SLC12A9: variants seen among roughly 807,000 people sequenced by gnomAD.
SLC12A9 encodes solute carrier family 12 member 9.
In SLC12A9, 55 loss-of-function variants were observed where a neutral mutation model predicts 66.0. The ratio of observed to expected loss-of-function variants is 0.83; its 90% CI spans 0.67 to 1.04. The LOEUF is 1.04. SLC12A9 is among the 50% of genes least tolerant of loss of function. The pLI is 0.00. For missense variants in SLC12A9, 1,061 were observed against 1,241.9 expected (o/e 0.85, Z 2.19); for synonymous variants, 577 against 569.0 (o/e 1.01, Z -0.20).
intron 1 of SLC12A9, among the ~76,000 whole-genome samples, chr7:100,835,562 A>G (rs1813637528): frequency 6.6e-6 from 1 of 151,510 alleles, no homozygotes; most frequent in South Asian, 2.1e-4. Flanking sequence ...AGGCAGGAGA[A>G]TCGCTTGAAC....
intron 7 of SLC12A9, 115 bp downstream of exon 7, chr7:100,859,276 G>A: frequency 1.0e-6 from 1 of 962,424 alleles, no homozygotes; most frequent in Non-Finnish European, 1.6e-6. Flanking sequence ...TGGGGTGGAG[G>A]GTGGCTACCG....
rs747596367 is a variant in SLC12A9, at chr7:100,866,066, G to A, written c.2206G>A (p.Gly736Ser). The A allele has an allele frequency of 9.3e-6, 15 of 1,612,820 alleles. No homozygotes were observed. The highest frequency in any genetic ancestry group is 1.7e-5 in the Admixed American group (1 of 60,010). The change falls in exon 14 of 14, where the codon GGT becomes AGT. Residue 736 changes from glycine (G) to serine (S), a missense_variant. Physicochemically the swap from Gly to Ser is moderately conservative, Grantham distance 56. Coordinates refer to ENST00000354161, the MANE Select transcript of SLC12A9 (RefSeq NM_020246.4). This position sits in a 1 kb window ranked among gnomAD's most constrained non-coding sequence, Gnocchi z 7.3. ...GCCCCTCAACCTGCTGCGGCCCCGG[G>A]GTGGGCCCGGCTATGTGGATGTCTG... ...VWPLNLLRPRGGPGYVDVCGL... is the reference protein window; with the variant it reads ...VWPLNLLRPRSGPGYVDVCGL...
chr7:100,847,551 G>T (rs1298872895), intron 1 of SLC12A9, among the ~76,000 whole-genome samples: 1 of 152,162 alleles, frequency 6.6e-6, no homozygotes, highest in African/African-American at 2.4e-5. Flanking sequence ...GGAGGCTATT[G>T]TGAAAGCGGA....
At position 100,860,185 on chromosome 7, in the gene SLC12A9, G is replaced by A. The variant is rs1043061743; in HGVS notation, c.1171G>A (p.Gly391Arg). Residue 391 changes from glycine to arginine, a missense_variant, in exon 9 of 14, where the codon GGG becomes AGG. Transcript: ENST00000354161. The stretch of plus-strand genomic sequence containing the variant: ...GGCACCGGCCAAGGTTGTGTCCCGA[G>A]GGGGAAACCCCTGGGCAGCTGTACT... ...ILAPAKVVSRGGNPWAAVLYS... is the reference protein window; with the variant it reads ...ILAPAKVVSRRGNPWAAVLYS... 2.5e-6 allele frequency: 4 copies of A among 1,614,062 alleles called. No individual in the cohort carries two copies. Among genetic ancestry groups the A allele is most frequent in the Non-Finnish European group, 3.4e-6 (4 of 1,180,032 alleles).
Position 100,838,790 on chromosome 7 carries a change from C to G in SLC12A9, n.228+11743C>G, listed in dbSNP as rs574343185. On this transcript the variant is annotated intron_variant and non_coding_transcript_variant, in intron 1 of 1. Transcript: ENST00000461016. The stretch of plus-strand genomic sequence containing the variant: ...AAAAACTAAAAGGCAGAAATAAAAT[C>G]TACAAGCAGACAGCCCGGTGCCATA... Among the ~76,000 whole-genome samples, 160 of 152,296 alleles carry G rather than the reference C, an allele frequency of 1.1e-3. 1 individual carries two copies. Among genetic ancestry groups the G allele is most frequent in the African/African-American group, 3.1e-3 (129 of 41,564 alleles).
rs1242534296 is a variant in SLC12A9, at chr7:100,857,020, T to A, written c.601T>A (p.Ser201Thr). The change falls in exon 5 of 14, where the codon TCT becomes ACT. Residue 201 changes from serine (S) to threonine (T), a missense_variant. Transcript: ENST00000354161. ...RASFLTFLLV[S>T]GSLASVLISF... ...CTCATTCCTCACATTCCTGCTGGTC[T>A]CTGGCTCCCTGGCCTCTGTGCTCAT... is the stretch of plus-strand genomic sequence containing the variant. 8 of 1,614,088 alleles carry A rather than the reference T, an allele frequency of 5.0e-6. No homozygotes were observed. Among genetic ancestry groups the A allele is most frequent in the Non-Finnish European group, 5.9e-6 (7 of 1,180,052 alleles).
In SLC12A9 at chr7:100,861,498, C is replaced by T; in HGVS notation, c.1450C>T (p.Leu484Phe). 1.2e-6 allele frequency: 2 copies of T among 1,613,864 alleles called. No individual in the cohort carries two copies. ...SPGAAGGSLL[L>F]MGLLAALLTA... ...TGGCGCGGCTGGTGGCTCCCTGCTC[C>T]TCATGGGTCTGCTGGCTGCCCTGCT... is the stretch of plus-strand genomic sequence containing the variant. Residue 484 changes from leucine to phenylalanine, a missense_variant, in exon 11 of 14, where the codon CTC becomes TTC. Leu to Phe is a conservative substitution (Grantham distance 22). Coordinates refer to ENST00000354161, the MANE Select transcript of SLC12A9 (RefSeq NM_020246.4). The surrounding 1 kb of genome is among the most constrained non-coding windows in gnomAD (Gnocchi z 5.3).
At chr7:100,828,409 C>G (rs1383550468) in intron 1 of SLC12A9, among the ~76,000 whole-genome samples, 2 of 151,730 alleles carry the variant, frequency 1.3e-5, no homozygotes, top group Non-Finnish European at 2.9e-5. Flanking sequence ...CATGGTGGCG[C>G]GCGCCTGTAA....
chr7:100,831,724 G>C (rs560545615), intron 1 of SLC12A9, among the ~76,000 whole-genome samples: 9 of 152,148 alleles, frequency 5.9e-5, no homozygotes, highest in Non-Finnish European at 1.0e-4. Flanking sequence ...GAAATAACAA[G>C]CAGCAAATCA....
intron 1 of SLC12A9, among the ~76,000 whole-genome samples, chr7:100,832,176 G>T (rs1813557138): frequency 6.6e-6 from 1 of 152,050 alleles, no homozygotes; most frequent in Non-Finnish European, 1.5e-5. Context: ...CTCCAGCCTG[G>T]CAACAGAGCG....
rs1814363465 is a variant in SLC12A9, at chr7:100,855,925, AG to A, written c.448+92del. 2.0e-6 allele frequency: 3 copies of A among 1,500,770 alleles called. No individual in the cohort carries two copies. In the South Asian group the frequency reaches 4.1e-5, roughly 20 times the overall value. 93.0% of individuals were successfully genotyped at this position (1,500,770 alleles called of 1,614,324 possible). A position where few individuals can be genotyped will look rare whatever the true frequency, so the allele number is the denominator to read the frequency against. ...TGAGGGAGAAGGTCCTCTCCAGCAG[AG>A]GGGCAGACTGAGCCATTACCTTGGC... On this transcript the variant is annotated intron_variant, in intron 4 of 13. Coordinates refer to ENST00000354161, the MANE Select transcript of SLC12A9 (RefSeq NM_020246.4).
Position 100,857,019 on chromosome 7 carries a change from C to G in SLC12A9, c.600C>G (p.Val200=). 2 of 1,614,218 alleles carry G rather than the reference C, an allele frequency of 1.2e-6. No individual in the cohort carries two copies. Among genetic ancestry groups the G allele is most frequent in the Non-Finnish European group, 1.7e-6 (2 of 1,180,046 alleles). Residue 200 remains valine, a synonymous_variant, in exon 5 of 14, where the codon GTC becomes GTG. Coordinates refer to ENST00000354161, the MANE Select transcript of SLC12A9 (RefSeq NM_020246.4). The part of the protein sequence containing the change: ...ARASFLTFLL[V]SGSLASVLIS... ...CCTCATTCCTCACATTCCTGCTGGT[C>G]TCTGGCTCCCTGGCCTCTGTGCTCA...
intron 9 of SLC12A9, chr7:100,860,658 C>G (rs1584703448): frequency 2.7e-6 from 1 of 367,520 alleles, no homozygotes; most frequent in East Asian, 7.1e-5. Context: ...AGTGCATTGG[C>G]CCTTTCTGGG....
intron 1 of SLC12A9, among the ~76,000 whole-genome samples, chr7:100,833,700 T>G (rs1473827500): frequency 2.0e-5 from 3 of 151,844 alleles, no homozygotes; most frequent in Non-Finnish European, 4.4e-5. Flanking sequence ...TTTGGGAGGC[T>G]GAGGTGGGCG....
intron 13 of SLC12A9, 134 bp from the exon 14 acceptor site, chr7:100,865,585 G>GTCC (rs1437437496): frequency 3.2e-6 from 5 of 1,571,288 alleles, no homozygotes; most frequent in Non-Finnish European, 4.3e-6. Flanking sequence ...GAATGTTGCC[G>GTCC]TAAGAGCCCG....
chr7:100,861,401 C>T lies in SLC12A9; in HGVS notation c.1353C>T (p.Phe451=). ...WASAPNFRPT[F]SLFSWHTCLL... ...CCCTCCATGCCCGCAGCCCCACCTTCAGCCTGTTCTCCTGGCACACCTGCC... is the reference window on the plus strand; with the variant it reads ...CCCTCCATGCCCGCAGCCCCACCTTTAGCCTGTTCTCCTGGCACACCTGCC... Residue 451 remains phenylalanine (F), a synonymous_variant, in exon 11 of 14, where the codon TTC becomes TTT. Coordinates refer to ENST00000354161, the MANE Select transcript of SLC12A9 (RefSeq NM_020246.4). The surrounding 1 kb of genome is among the most constrained non-coding windows in gnomAD (Gnocchi z 5.3). 6.2e-7 allele frequency: 1 copy of T among 1,613,712 alleles called. No homozygotes were observed.
intron 12 of SLC12A9, 52 bp from the exon 13 acceptor site, chr7:100,862,629 A>G: frequency 6.2e-7 from 1 of 1,603,944 alleles, no homozygotes; most frequent in Non-Finnish European, 8.5e-7. Context: ...ACTCTAGGAG[A>G]CATTGAGTTT....
chr7:100,855,803 G>A lies in SLC12A9; in HGVS notation c.414G>A (p.Gly138=). 6.2e-7 allele frequency: 1 copy of A among 1,613,286 alleles called. No individual in the cohort carries two copies. Among genetic ancestry groups the A allele is most frequent in the Non-Finnish European group, 8.5e-7 (1 of 1,179,536 alleles). The change falls in exon 4 of 14, where the codon GGG becomes GGA. Residue 138 remains glycine, a synonymous_variant. Coordinates refer to ENST00000354161, the MANE Select transcript of SLC12A9 (RefSeq NM_020246.4). ...GTGGCTGTGCCGTCTCCCTCCTGGG[G>A]CTGGTGGAGTCTGTGCTTGATGTCT... ...NVCGCAVSLL[G]LVESVLDVFG...
intron 1 of SLC12A9, among the ~76,000 whole-genome samples, chr7:100,840,380 G>T (rs1283701577): frequency 6.6e-6 from 1 of 152,158 alleles, no homozygotes; most frequent in Non-Finnish European, 1.5e-5. Context: ...AGGTAGGTTG[G>T]CCATTAGAAA....
Sources: allele counts gnomAD v4.1 joint callset (sites outside exome capture counted in the v4.1 genomes callset), GRCh38; gene constraint gnomAD v4.1.1; non-coding constraint Gnocchi (gnomAD v3.1); transcripts MANE v1.5; gene names NCBI Gene and HGNC (gene_info 2026-07-23, HGNC 2026-07-21).